Variants in NEDD4 observed in about 807,000 individuals in gnomAD.
The protein encoded by NEDD4 is E3 ubiquitin-protein ligase NEDD4.
A neutral mutation model predicts 144.9 loss-of-function variants in NEDD4; 99 were observed. The ratio of observed to expected loss-of-function variants is 0.68; its 90% CI spans 0.58 to 0.81. The LOEUF (loss-of-function observed/expected upper bound fraction) is 0.81, where lower values mean the gene tolerates loss of function less well. Ranked by LOEUF, NEDD4 falls within the 30% of genes least tolerant of loss-of-function variation. The pLI is 0.00. For synonymous variants in NEDD4, 318 were observed against 350.6 expected (o/e 0.91, Z 1.04); for missense variants, 985 against 1,065.9 (o/e 0.92, Z 1.06).
chr15:55,970,063 G>T (rs559227085), intron 1 of NEDD4, among the ~76,000 whole-genome samples: 3 of 151,914 alleles, frequency 2.0e-5, no homozygotes, highest in Admixed American at 1.3e-4. Flanking sequence ...GGCCTGGCAG[G>T]ACTCACCATC....
intron 1 of NEDD4, among the ~76,000 whole-genome samples, chr15:55,975,468 T>C (rs1417455246): frequency 6.6e-6 from 1 of 152,126 alleles, no homozygotes; most frequent in Admixed American, 6.5e-5. Context: ...ATCAGTAGCA[T>C]TTTTATATGC....
At position 55,869,801 on chromosome 15, in the gene NEDD4, C is replaced by CAAGT. The variant is rs1239404321; in HGVS notation, c.405-124_405-121dup. On this transcript the variant is annotated intron_variant, in intron 7 of 28. Coordinates refer to ENST00000435532, the MANE Select transcript of NEDD4 (RefSeq NM_006154.4). The stretch of plus-strand genomic sequence containing the variant: ...GGGTCTACAAAGGGAGGTTCAAAGA[C>CAAGT]AAGTTCCAGGGCAGAAGATATCTAG... 7 of 610,018 alleles carry CAAGT rather than the reference C, an allele frequency of 1.1e-5. No homozygotes were observed. The East Asian group carries it at 1.8e-4, about 16-fold the overall frequency. 37.8% of individuals were successfully genotyped at this position (610,018 alleles called of 1,614,324 possible). A position where few individuals can be genotyped will look rare whatever the true frequency, so the allele number is the denominator to read the frequency against.
At chr15:55,917,185 A>G in intron 5 of NEDD4, 3 of 1,013,322 alleles carry the variant, frequency 3.0e-6, no homozygotes, top group Non-Finnish European at 3.5e-6. Flanking sequence ...TCCAATTTGC[A>G]TGAATGAGTA....
At chr15:55,947,394 C>A (rs539199804) in intron 4 of NEDD4, among the ~76,000 whole-genome samples, 1 of 152,300 alleles carries the variant, frequency 6.6e-6, no homozygotes, top group East Asian at 1.9e-4. Context: ...CACCTCTATG[C>A]AAATAAACTA....
At chr15:55,971,484 G>A (rs1456248285) in intron 1 of NEDD4, among the ~76,000 whole-genome samples, 2 of 152,032 alleles carry the variant, frequency 1.3e-5, no homozygotes, top group African/African-American at 2.4e-5. Flanking sequence ...AATTAGCCAA[G>A]CATGGCAGCG....
intron 27 of NEDD4, among the ~76,000 whole-genome samples, chr15:55,832,077 C>T (rs1270049390): frequency 6.6e-6 from 1 of 151,128 alleles, no homozygotes; most frequent in Non-Finnish European, 1.5e-5. Context: ...CCGAAAACTG[C>T]ATTAACTATT....
chr15:55,860,813 C>T, intron 9 of NEDD4, 35 bp from the exon 10 acceptor site: 2 of 1,548,872 alleles, frequency 1.3e-6, no homozygotes, highest in Non-Finnish European at 8.9e-7. Context: ...TCATCCATGT[C>T]TTAAGTAGTT....
At chr15:55,943,114 C>A (rs2037038554) in intron 4 of NEDD4, among the ~76,000 whole-genome samples, 1 of 152,194 alleles carries the variant, frequency 6.6e-6, no homozygotes, top group Non-Finnish European at 1.5e-5. Context: ...CAAGAAGTGG[C>A]CTGGCTGCTT....
intron 2 of NEDD4, among the ~76,000 whole-genome samples, chr15:55,953,380 A>G (rs2037279657): frequency 1.3e-5 from 2 of 152,004 alleles, no homozygotes; most frequent in African/African-American, 4.8e-5. Flanking sequence ...TAGAAAGCGG[A>G]CAGCCAGGAT....
At chr15:55,944,511 C>T (rs1201856260) in intron 4 of NEDD4, among the ~76,000 whole-genome samples, 2 of 152,246 alleles carry the variant, frequency 1.3e-5, no homozygotes, top group African/African-American at 4.8e-5. Flanking sequence ...GAGCCCACCT[C>T]AGCTCATCAA....
chr15:55,924,283 G>A (rs1015090441), intron 5 of NEDD4: 4 of 193,562 alleles, frequency 2.1e-5, no homozygotes, highest in African/African-American at 4.6e-5. Context: ...GTGAGGAGGC[G>A]CAACTGAAGG....
intron 5 of NEDD4, among the ~76,000 whole-genome samples, chr15:55,921,483 C>A (rs2142226390): frequency 6.6e-6 from 1 of 152,112 alleles, no homozygotes; most frequent in Non-Finnish European, 1.5e-5. Flanking sequence ...CACCATCAGG[C>A]CTGGCTAAAT....
At chr15:55,969,108 G>A (rs2037566141) in intron 1 of NEDD4, among the ~76,000 whole-genome samples, 1 of 152,184 alleles carries the variant, frequency 6.6e-6, no homozygotes, top group Non-Finnish European at 1.5e-5. Context: ...GTGGCTGAGA[G>A]AGAATCTATG....
intron 11 of NEDD4, among the ~76,000 whole-genome samples, chr15:55,858,379 T>C (rs1393303890): frequency 6.6e-6 from 1 of 152,136 alleles, no homozygotes; most frequent in African/African-American, 2.4e-5. Context: ...CAATCTCGGC[T>C]CACTGCAACC....
At position 55,872,433 on chromosome 15, in the gene NEDD4, A is replaced by C. The variant is rs1715033210; in HGVS notation, c.386T>G (p.Phe129Cys). The stretch of plus-strand genomic sequence containing the variant: ...TACTGACCTTCTTGGATGAAGAACA[A>C]AATCCTTAAATGTATATGGTCTCTC... ...RLERPYTFKDFVLHPRSHKSR... is the reference protein window; with the variant it reads ...RLERPYTFKDCVLHPRSHKSR... The change falls in exon 7 of 29, where the codon TTT becomes TGT. Residue 129 changes from phenylalanine to cysteine, a missense_variant. By Grantham distance (205) the Phe-to-Cys change is radical. Transcript: ENST00000435532. The C allele has an allele frequency of 1.4e-6, 2 of 1,472,176 alleles. No homozygotes were observed. Among genetic ancestry groups the C allele is most frequent in the Admixed American group, 2.3e-5 (1 of 43,690 alleles). 91.2% of individuals were successfully genotyped at this position (1,472,176 alleles called of 1,614,324 possible).
At position 55,852,545 on chromosome 15, in the gene NEDD4, T is replaced by G; in HGVS notation, c.1027-2A>C. ...TAATCCAGATGAAGTAGGCAAAAGCTAAAGTGAAGAATAACAGAAGAATTA... is the reference window on the plus strand; with the variant it reads ...TAATCCAGATGAAGTAGGCAAAAGCGAAAGTGAAGAATAACAGAAGAATTA... On this transcript the variant is annotated splice_acceptor_variant, in intron 12 of 28. Transcript: ENST00000435532. LOFTEE classifies it high-confidence loss of function. 6.2e-7 allele frequency: 1 copy of G among 1,612,720 alleles called. No individual in the cohort carries two copies. The highest frequency in any genetic ancestry group is 8.5e-7 in the Non-Finnish European group (1 of 1,179,388).
At chr15:55,880,117 C>A (rs999734881) in intron 5 of NEDD4, among the ~76,000 whole-genome samples, 8 of 152,144 alleles carry the variant, frequency 5.3e-5, no homozygotes, top group African/African-American at 1.9e-4. Flanking sequence ...CATGGTGAAA[C>A]CCCATCTCTA....
intron 5 of NEDD4, among the ~76,000 whole-genome samples, chr15:55,902,984 G>A (rs182885432): frequency 6.0e-4 from 91 of 152,174 alleles, no homozygotes; most frequent in African/African-American, 2.2e-3. Context: ...CTGGGTGACA[G>A]AGCGAGACTC....
chr15:55,918,745 C>G (rs1214799057), intron 5 of NEDD4, among the ~76,000 whole-genome samples: 1 of 152,072 alleles, frequency 6.6e-6, no homozygotes, highest in Non-Finnish European at 1.5e-5. Flanking sequence ...TAGTTGAAAA[C>G]TTAGTAATAC....
Sources: gnomAD v4.1 joint callset for allele counts (sites outside exome capture counted in the v4.1 genomes callset) on GRCh38, gnomAD v4.1.1 for gene constraint, MANE v1.5 for transcripts, NCBI Gene and HGNC (gene_info 2026-07-23, HGNC 2026-07-21) for gene names.